KCNH2: variants seen among roughly 807,000 people sequenced by gnomAD.
The protein encoded by KCNH2 is potassium voltage-gated channel subfamily H member 2.
A neutral mutation model predicts 95.9 loss-of-function variants in KCNH2; 35 were observed. That is an observed-to-expected ratio of 0.37 (90% confidence interval 0.28 to 0.48). KCNH2 has a LOEUF of 0.48. Ranked by LOEUF, KCNH2 falls within the 20% of genes least tolerant of loss-of-function variation. KCNH2 has a pLI of 0.99. For missense variants in KCNH2, 1,274 were observed against 1,702.9 expected, an observed-to-expected ratio of 0.75 and a Z score of 4.43; for synonymous variants, 786 against 754.7, an observed-to-expected ratio of 1.04 and a Z score of -0.68.
At position 150,947,608 on chromosome 7, in the gene KCNH2, G is replaced by A. The variant is rs1381328145; in HGVS notation, c.2963C>T (p.Ser988Leu). ...CGCCCGCCCGTCGCCCGGGATACCT[G>A]ACAGGGGGTTGCAAGTGTCGCTGCT... ...EKSSDTCNPL[S>L]GAFSGVSNIF... Residue 988 changes from serine (S) to leucine (L), a missense_variant and splice_region_variant, in exon 12 of 15, where the codon TCA (serine) becomes TTA (leucine). Ser to Leu is a moderately radical substitution (Grantham distance 145). Transcript: ENST00000262186. 6.2e-7 allele frequency: 1 copy of A among 1,612,704 alleles called. No homozygotes were observed. Among genetic ancestry groups the A allele is most frequent in the South Asian group, 1.1e-5 (1 of 90,824 alleles).
intron 2 of KCNH2, among the ~76,000 whole-genome samples, chr7:150,965,743 G>A (rs952878956): frequency 3.3e-5 from 5 of 152,302 alleles, no homozygotes; most frequent in African/African-American, 4.8e-5. Flanking sequence ...GGGCTTCCCC[G>A]TCCATCCGAG....
rs1312936741 is a variant in KCNH2, at chr7:150,945,112, G to A, written c.*253C>T. The A allele has an allele frequency of 1.9e-6, 1 of 522,368 alleles. No homozygotes were observed. The highest frequency in any genetic ancestry group is 2.9e-5 in the East Asian group (1 of 34,000). 32.4% of individuals were successfully genotyped at this position (522,368 alleles called of 1,614,324 possible). On this transcript the variant is annotated 3_prime_UTR_variant, in exon 15 of 15. Transcript: ENST00000262186. This position sits in a 1 kb window ranked among gnomAD's most constrained non-coding sequence, Gnocchi z 5.6. ...GCCCAGGGCCGGGTGCCTCCGGGCA[G>A]TTAGACCAGCTAATGCCCTCAGGGC...
intron 2 of KCNH2, among the ~76,000 whole-genome samples, chr7:150,970,006 C>T (rs1000490069): frequency 2.6e-5 from 4 of 152,106 alleles, no homozygotes; most frequent in Admixed American, 2.6e-4. Context: ...GGCCCTCCTG[C>T]CCACGTCGGG....
In KCNH2 at chr7:150,945,244, T is replaced by C. The variant is rs1800847173; in HGVS notation, c.*121A>G. 1.8e-6 allele frequency: 2 copies of C among 1,116,268 alleles called. No individual in the cohort carries two copies. The highest frequency in any genetic ancestry group is 2.5e-6 in the Non-Finnish European group (2 of 795,660). The allele number at this position is 1,116,268 out of a possible 1,614,324, so 69.1% of individuals were successfully genotyped here. On this transcript the variant is annotated 3_prime_UTR_variant, in exon 15 of 15. Coordinates refer to ENST00000262186, the MANE Select transcript of KCNH2 (RefSeq NM_000238.4). This position sits in a 1 kb window ranked among gnomAD's most constrained non-coding sequence, Gnocchi z 5.6. ...TGGTCCCAAGGGCTGGGGGAGGAGC[T>C]GTGCTTTCGAGTTCCTCTCCCCTTC...
At chr7:150,974,590 G>C (rs1801923097) in intron 2 of KCNH2, 121 bp downstream of exon 2, 11 of 849,666 alleles carry the variant, frequency 1.3e-5, no homozygotes, top group Non-Finnish European at 2.0e-5. Flanking sequence ...ACCCTGCCCG[G>C]GCTCGGGGCG....
intron 5 of KCNH2, among the ~76,000 whole-genome samples, chr7:150,956,266 G>A (rs1563166638): frequency 6.6e-6 from 1 of 152,198 alleles, no homozygotes; most frequent in Non-Finnish European, 1.5e-5. Flanking sequence ...TAAGGGCCTG[G>A]GGTGAGGGGG....
At position 150,974,854 on chromosome 7, in the gene KCNH2, G is replaced by A. The variant is rs199472844; in HGVS notation, c.164C>T (p.Ser55Leu). ...GGGTCGCTGCATCACCTCGGCCCGCGAGTAGCCGCACAGCTCGCAGAAGCC... is the reference window on the plus strand; with the variant it reads ...GGGTCGCTGCATCACCTCGGCCCGCAAGTAGCCGCACAGCTCGCAGAAGCC... ...NDGFCELCGYSRAEVMQRPCT... is the reference protein window; with the variant it reads ...NDGFCELCGYLRAEVMQRPCT... Residue 55 changes from serine to leucine, a missense_variant, in exon 2 of 15, where the codon TCG (serine) becomes TTG (leucine). By Grantham distance (145) the Ser-to-Leu change is moderately radical (BLOSUM62 -2). Coordinates refer to ENST00000262186, the MANE Select transcript of KCNH2 (RefSeq NM_000238.4). 1.2e-6 allele frequency: 2 copies of A among 1,610,744 alleles called. No homozygotes were observed. The highest frequency in any genetic ancestry group is 1.7e-6 in the Non-Finnish European group (2 of 1,178,850).
At chr7:150,955,676 T>G in intron 5 of KCNH2, 2 of 1,396,318 alleles carry the variant, frequency 1.4e-6, no homozygotes, top group East Asian at 5.4e-5. Context: ...GCCCCAGGGC[T>G]GGGGTCACCC....
Position 150,946,838 on chromosome 7 carries a change from C to A in KCNH2, c.3330+39G>T. On this transcript the variant is annotated intron_variant, in intron 14 of 14. Transcript: ENST00000262186. The surrounding 1 kb of genome is among the most constrained non-coding windows in gnomAD (Gnocchi z 6.5). Reference sequence around the variant, plus strand: ...GTTTGGGCTGGAATCGGGGAACAAGCGGGTCACGGTACATCGAGGAAGCAG... The same window carrying A: ...GTTTGGGCTGGAATCGGGGAACAAGAGGGTCACGGTACATCGAGGAAGCAG... 1.3e-6 allele frequency: 2 copies of A among 1,558,780 alleles called. No homozygotes were observed. The highest frequency in any genetic ancestry group is 1.8e-6 in the Non-Finnish European group (2 of 1,142,678).
chr7:150,957,377 A>AG lies in KCNH2; in HGVS notation c.1041dup (p.Phe348LeufsTer8). On this transcript the variant is annotated frameshift_variant, in exon 5 of 15. Transcript: ENST00000262186. LOFTEE classifies it high-confidence loss of function. Reference sequence around the variant, plus strand: ...CGGTCACTGGTGGGCGAAGCCAAGAAGGGGTCGCCCTTGAGGTCCACAAAG... The same window carrying AG: ...CGGTCACTGGTGGGCGAAGCCAAGAAGGGGGTCGCCCTTGAGGTCCACAAAG... 6.2e-7 allele frequency: 1 copy of AG among 1,614,032 alleles called. No homozygotes were observed.
In KCNH2 at chr7:150,948,471, A is replaced by C. The variant is rs765427343; in HGVS notation, c.2665T>G (p.Leu889Val). The C allele has an allele frequency of 4.0e-5, 65 of 1,611,024 alleles. No individual in the cohort carries two copies. The highest frequency in any genetic ancestry group is 8.5e-6 in the Non-Finnish European group (10 of 1,179,708). The change falls in exon 11 of 15, where the codon TTG (leucine) becomes GTG (valine). Residue 889 changes from leucine (L) to valine (V), a missense_variant. This residue lies in a region of KCNH2 where 457 missense variants were observed against 416.1 expected (regional missense o/e 1.10). Transcript: ENST00000262186. Reference protein sequence around the residue: ...GGFSRQRKRKLSFRRRTDKDT... With the variant: ...GGFSRQRKRKVSFRRRTDKDT... ...TTGTCCGTGCGCCTGCGGAAGGACAACTTGCGCTTGCGTTGCCGACTGAAG... is the reference window on the plus strand; with the variant it reads ...TTGTCCGTGCGCCTGCGGAAGGACACCTTGCGCTTGCGTTGCCGACTGAAG...
chr7:150,958,433 C>G lies in KCNH2; in HGVS notation c.542G>C (p.Arg181Pro). Residue 181 changes from arginine to proline, a missense_variant, in exon 4 of 15, where the codon CGG becomes CCG. Around this residue, in one of 7 missense-constraint regions of KCNH2, gnomAD observed 392 missense variants for 429.9 expected, o/e 0.91. Transcript: ENST00000262186. ...LALTARESSV[R>P]SGGAGGAGAP... The stretch of plus-strand genomic sequence containing the variant: ...GCCCGCGCCGCCCGCGCCGCCCGAC[C>G]GCACCGACGACTCCCGGGCCGTCAG... 4 of 1,458,078 alleles carry G rather than the reference C, an allele frequency of 2.7e-6. No homozygotes were observed. The highest frequency in any genetic ancestry group is 3.6e-6 in the Non-Finnish European group (4 of 1,112,462). The allele number at this position is 1,458,078 out of a possible 1,614,324, so 90.3% of individuals were successfully genotyped here.
In KCNH2 at chr7:150,977,710, G is replaced by A. The variant is rs1232430705; in HGVS notation, c.76+128C>T. 24 of 729,488 alleles carry A rather than the reference G, an allele frequency of 3.3e-5. No homozygotes were observed. In the Admixed American group the frequency reaches 4.5e-4, roughly 14 times the overall value. The allele number at this position is 729,488 out of a possible 1,614,324, so 45.2% of individuals were successfully genotyped here. A position where few individuals can be genotyped will look rare whatever the true frequency, so the allele number is the denominator to read the frequency against. On this transcript the variant is annotated intron_variant, in intron 1 of 14. Transcript: ENST00000262186. ...CCGCCGTCCCCTCGCCAAAGCCTGG[G>A]GCCCACCAGGCCCCATTGACTCGCA... is the stretch of plus-strand genomic sequence containing the variant.
rs1800975951 is a variant in KCNH2, at chr7:150,947,871, C to G, written c.2700G>C (p.Glu900Asp). Residue 900 changes from glutamate to aspartate, a missense_variant, in exon 12 of 15, where the codon GAG becomes GAC. By Grantham distance (45) the Glu-to-Asp change is conservative. Around this residue, in one of 7 missense-constraint regions of KCNH2, gnomAD observed 457 missense variants for 416.1 expected, o/e 1.10. Transcript: ENST00000262186. ...CCAAGGCCGACACCTCCCCTGGCTGCTCCGTGTCTGTGGGAAACAGAGAAT... is the reference window on the plus strand; with the variant it reads ...CCAAGGCCGACACCTCCCCTGGCTGGTCCGTGTCTGTGGGAAACAGAGAAT... ...SFRRRTDKDT[E>D]QPGEVSALGP... is the part of the protein sequence containing the mutation. The G allele has an allele frequency of 6.5e-7, 1 of 1,530,382 alleles. No homozygotes were observed. The allele number at this position is 1,530,382 out of a possible 1,614,324, so 94.8% of individuals were successfully genotyped here.
In KCNH2 at chr7:150,962,086, G is replaced by A. The variant is rs1801580728; in HGVS notation, c.308-2350C>T. 6.6e-6 allele frequency among the ~76,000 whole-genome samples: 1 copy of A among 152,198 alleles called. No individual in the cohort carries two copies. The highest frequency in any genetic ancestry group is 2.1e-4 in the South Asian group (1 of 4,832). On this transcript the variant is annotated intron_variant, in intron 2 of 14. Transcript: ENST00000262186. This position sits in a 1 kb window ranked among gnomAD's most constrained non-coding sequence, Gnocchi z 5.7. ...AGCCACTCTTGTCCCCTGACCTCTG[G>A]CCTCTGACACACAGCAGTGGTGTTG...
At position 150,952,729 on chromosome 7, in the gene KCNH2, A is replaced by T. The variant is rs1801228762; in HGVS notation, c.1253T>A (p.Val418Asp). 1 of 1,613,692 alleles carries T rather than the reference A, an allele frequency of 6.2e-7. No individual in the cohort carries two copies. Among genetic ancestry groups the T allele is most frequent in the South Asian group, 1.1e-5 (1 of 91,068 alleles). ...GGGTGTGAAGACAGCCGTGTAGATG[A>T]CCAGCAGCAGGATGAGCCAGTCCCA... ...AVWDWLILLLVIYTAVFTPYS... is the reference protein window; with the variant it reads ...AVWDWLILLLDIYTAVFTPYS... Residue 418 changes from valine to aspartate, a missense_variant, in exon 6 of 15, where the codon GTC becomes GAC. Transcript: ENST00000262186. The surrounding 1 kb of genome is among the most constrained non-coding windows in gnomAD (Gnocchi z 7.3).
intron 9 of KCNH2, 140 bp downstream of exon 9, chr7:150,950,028 G>C (rs2116947154): frequency 1.3e-6 from 2 of 1,594,814 alleles, no homozygotes; most frequent in South Asian, 2.3e-5. Flanking sequence ...GAGGGCCTGA[G>C]TTTAGGTGAA....
At chr7:150,974,401 A>C (rs1392061439) in intron 2 of KCNH2, among the ~76,000 whole-genome samples, 2 of 152,168 alleles carry the variant, frequency 1.3e-5, no homozygotes, top group African/African-American at 4.8e-5. Flanking sequence ...ACTCTAGTCC[A>C]ACTTGCTCTA....
intron 5 of KCNH2, among the ~76,000 whole-genome samples, chr7:150,955,137 T>C (rs1322681319): frequency 6.6e-6 from 1 of 152,302 alleles, no homozygotes; most frequent in East Asian, 1.9e-4. Context: ...CTCCCCACTT[T>C]GCATTTTGAG....
Sources: gnomAD v4.1 joint callset for allele counts (sites outside exome capture counted in the v4.1 genomes callset) on GRCh38, gnomAD v4.1.1 for gene constraint, gnomAD v4.1.1 regional missense constraint, Gnocchi (gnomAD v3.1) non-coding constraint, MANE v1.5 for transcripts, NCBI Gene and HGNC (gene_info 2026-07-23, HGNC 2026-07-21) for gene names.